PPFIA2: variants seen among roughly 807,000 people sequenced by gnomAD.
PPFIA2 encodes PPFI scaffold protein A2, also known as liprin-alpha-2.
In PPFIA2, 46 loss-of-function variants were observed where a neutral mutation model predicts 175.5. The observed-to-expected ratio is 0.26, with a 90% confidence interval of 0.21 to 0.34. The LOEUF (loss-of-function observed/expected upper bound fraction) is 0.34. Ranked by LOEUF, PPFIA2 falls within the 10% of genes least tolerant of loss-of-function variation. PPFIA2 has a pLI of 1.00. For synonymous variants in PPFIA2, 568 were observed against 511.4 expected (o/e 1.11, Z -1.49); for missense variants, 1,179 against 1,506.1 (o/e 0.78, Z 3.60).
chr12:81,399,391 A>G (rs533001638), intron 8 of PPFIA2, among the ~76,000 whole-genome samples: 54 of 151,650 alleles, frequency 3.6e-4, no homozygotes, highest in African/African-American at 1.2e-3. Context: ...ATTTCACTTC[A>G]TCTTTCCATC....
chr12:81,337,667 G>A (rs1307625268), intron 21 of PPFIA2, among the ~76,000 whole-genome samples: 1 of 151,994 alleles, frequency 6.6e-6, no homozygotes, highest in Non-Finnish European at 1.5e-5. Context: ...TATTTTAAAA[G>A]TAAAGTGTCA....
intron 3 of PPFIA2, among the ~76,000 whole-genome samples, chr12:81,713,451 C>T (rs2078209195): frequency 1.3e-5 from 2 of 151,172 alleles, no homozygotes; most frequent in African/African-American, 4.8e-5. Flanking sequence ...TCAAAGAGAA[C>T]CTTACAAATA....
chr12:81,705,083 TAAAAAAAAAAAAA>T (rs557079067), intron 3 of PPFIA2, among the ~76,000 whole-genome samples: 1 of 32,356 alleles, frequency 3.1e-5, no homozygotes, highest in Admixed American at 6.0e-4. Flanking sequence ...AAACTCTGTC[TAAAAAAAAAAAAA>T]AAAAAAAAAA....
chr12:81,391,223 T>C (rs1247106077), intron 8 of PPFIA2, among the ~76,000 whole-genome samples: 1 of 151,884 alleles, frequency 6.6e-6, no homozygotes, highest in Non-Finnish European at 1.5e-5. Flanking sequence ...TTGAGTTGGG[T>C]CTTCAAAGAT....
intron 4 of PPFIA2, among the ~76,000 whole-genome samples, chr12:81,522,157 C>A (rs913922429): frequency 6.6e-6 from 1 of 152,094 alleles, no homozygotes; most frequent in Non-Finnish European, 1.5e-5. Context: ...ATTCATTATG[C>A]AAGATATTTA....
In PPFIA2 at chr12:81,353,319, G is replaced by C. The variant is rs375047499; in HGVS notation, c.1794C>G (p.His598Gln). 1 of 1,612,948 alleles carries C rather than the reference G, an allele frequency of 6.2e-7. No individual in the cohort carries two copies. The highest frequency in any genetic ancestry group is 1.7e-5 in the Admixed American group (1 of 59,940). ...DEPKVKSLGDHEWNRTQQIGV... is the reference protein window; with the variant it reads ...DEPKVKSLGDQEWNRTQQIGV... The stretch of plus-strand genomic sequence containing the variant: ...CAATCTGTTGAGTTCTATTCCACTC[G>C]TGATCCCCAAGAGATTTCACCTGAA... The change falls in exon 17 of 33, where the codon CAC (histidine) becomes CAG (glutamine). Residue 598 changes from histidine to glutamine, a missense_variant. This residue lies in a region of PPFIA2 where 186 missense variants were observed against 163.6 expected (regional missense o/e 1.14). Coordinates refer to ENST00000549396, the MANE Select transcript of PPFIA2 (RefSeq NM_003625.5).
intron 7 of PPFIA2, among the ~76,000 whole-genome samples, chr12:81,428,239 T>C (rs1326550841): frequency 1.3e-5 from 2 of 151,944 alleles, no homozygotes; most frequent in Non-Finnish European, 2.9e-5. Context: ...AAAAAAACCT[T>C]ATGCTCTCAT....
intron 4 of PPFIA2, among the ~76,000 whole-genome samples, chr12:81,568,241 C>T (rs2071739037): frequency 1.3e-5 from 2 of 152,164 alleles, no homozygotes; most frequent in Admixed American, 1.3e-4. Flanking sequence ...GATGACAGTG[C>T]AGGGTACAGG....
intron 19 of PPFIA2, among the ~76,000 whole-genome samples, chr12:81,342,333 T>C (rs1049524412): frequency 1.3e-5 from 2 of 152,164 alleles, no homozygotes; most frequent in South Asian, 2.1e-4. Context: ...TAAAGACTTA[T>C]GGCTTTAGAG....
intron 4 of PPFIA2, among the ~76,000 whole-genome samples, chr12:81,493,754 CTA>C (rs5799531): frequency 0.043 from 4,333 of 101,800 alleles, 93 homozygotes; most frequent in African/African-American, 0.067. Flanking sequence ...GTGTGTGTGT[CTA>C]TATATATATA....
chr12:81,583,281 G>C (rs1173387776), intron 4 of PPFIA2, among the ~76,000 whole-genome samples: 3 of 151,748 alleles, frequency 2.0e-5, no homozygotes, highest in Non-Finnish European at 4.4e-5. Context: ...TTAGGATAAA[G>C]CCATTTGATG....
chr12:81,496,929 C>T (rs981368356), intron 4 of PPFIA2, among the ~76,000 whole-genome samples: 3 of 152,112 alleles, frequency 2.0e-5, no homozygotes, highest in Non-Finnish European at 4.4e-5. Context: ...ATGACATGCC[C>T]CAGAGCAAAT....
chr12:81,758,024 C>G (rs2084949222), intron 2 of PPFIA2, among the ~76,000 whole-genome samples: 1 of 152,128 alleles, frequency 6.6e-6, no homozygotes, highest in South Asian at 2.1e-4. Flanking sequence ...AGCCTCTGTC[C>G]TCGGGAAATA....
intron 22 of PPFIA2, among the ~76,000 whole-genome samples, chr12:81,310,134 G>T (rs2050401546): frequency 1.3e-5 from 2 of 152,058 alleles, no homozygotes. Context: ...GAAGTGTATA[G>T]TTTGTATGCT....
chr12:81,681,825 T>C (rs1389990448), intron 3 of PPFIA2, among the ~76,000 whole-genome samples: 1 of 151,942 alleles, frequency 6.6e-6, no homozygotes, highest in Non-Finnish European at 1.5e-5. Context: ...AAAAATATGA[T>C]AAAATAATTT....
chr12:81,717,665 T>G (rs535866789), intron 3 of PPFIA2, among the ~76,000 whole-genome samples: 35 of 151,688 alleles, frequency 2.3e-4, no homozygotes, highest in Non-Finnish European at 5.0e-4. Flanking sequence ...CACCAATATA[T>G]GCCAGGCACT....
intron 4 of PPFIA2, among the ~76,000 whole-genome samples, chr12:81,583,363 T>C (rs12827645): frequency 0.27 from 41,621 of 151,620 alleles, 6,182 homozygotes; most frequent in African/African-American, 0.38. Flanking sequence ...TCCTTTTTTT[T>C]TTCTAAGAAA....
Position 81,299,403 on chromosome 12 carries a change from T to G in PPFIA2, c.2643-21A>C, listed in dbSNP as rs374760176. 70 of 1,560,602 alleles carry G rather than the reference T, an allele frequency of 4.5e-5. No homozygotes were observed. In the African/African-American group the frequency reaches 9.1e-4, roughly 20 times the overall value. On this transcript the variant is annotated intron_variant, in intron 22 of 32. Transcript: ENST00000549396. Reference sequence around the variant, plus strand: ...CATGCCTGAAGTATATAGCAAAGATTATTAGGCAGGTATATGGAAAAATAT... The same window carrying G: ...CATGCCTGAAGTATATAGCAAAGATGATTAGGCAGGTATATGGAAAAATAT...
intron 7 of PPFIA2, among the ~76,000 whole-genome samples, chr12:81,412,381 A>C (rs2044144253): frequency 6.6e-6 from 1 of 151,366 alleles, no homozygotes; most frequent in Admixed American, 6.6e-5. Context: ...CAATAACAAA[A>C]TAGCAATTAT....
Sources: allele counts gnomAD v4.1 joint callset (sites outside exome capture counted in the v4.1 genomes callset), GRCh38; gene constraint gnomAD v4.1.1; regional missense constraint gnomAD v4.1.1; transcripts MANE v1.5; gene names NCBI Gene and HGNC (gene_info 2026-07-23, HGNC 2026-07-21).